Variants in LIN28A observed in about 807,000 individuals in gnomAD.
The protein encoded by LIN28A is lin-28 RNA binding posttranscriptional regulator A.
Under a neutral mutation model 21.1 loss-of-function variants are expected in LIN28A, and 11 were observed. The observed-to-expected ratio is 0.52, with a 90% CI of 0.33 to 0.86. The LOEUF is 0.86. LIN28A is among the 40% of genes least tolerant of loss of function. The pLI, the probability that LIN28A is intolerant of heterozygous loss-of-function variation, is 0.03. For synonymous variants in LIN28A, 111 were observed against 108.7 expected (o/e 1.02, Z -0.13); for missense variants, 219 against 279.8 (o/e 0.78, Z 1.55).
intron 2 of LIN28A, among the ~76,000 whole-genome samples, chr1:26,416,063 G>C (rs992285592): frequency 1.3e-5 from 2 of 152,100 alleles, no homozygotes; most frequent in Admixed American, 6.6e-5. Flanking sequence ...CACGAACTCG[G>C]CTCACTGCAA....
rs374702379 is a variant in LIN28A at position 26,425,348 on chromosome 1, G to T, written c.274G>T (p.Ala92Ser). 5.6e-6 allele frequency: 9 copies of T among 1,613,868 alleles called. No homozygotes were observed. The African/African-American group carries it at 1.2e-4, about 22-fold the overall frequency. The change falls in exon 3 of 4, where the codon GCA becomes TCA. Residue 92 changes from alanine (A) to serine (S), a missense_variant. This residue lies in a region of LIN28A where 124 missense variants were observed against 193.1 expected (regional missense o/e 0.64). Transcript: ENST00000326279. Reference protein sequence around the residue: ...EGFRSLKEGEAVEFTFKKSAK... With the variant: ...EGFRSLKEGESVEFTFKKSAK... The stretch of plus-strand genomic sequence containing the variant: ...GTTCCGGAGCTTGAAGGAGGGTGAG[G>T]CAGTGGAGTTCACCTTTAAGAAGTC...
Position 26,411,454 on chromosome 1 carries a change from G to C in LIN28A, c.100G>C (p.Glu34Gln). ...APEDAARAAD[E>Q]PQLLHGAGIC... ...GGAGGACGCGGCCCGGGCGGCGGAC[G>C]AGCCTCAGCTGCTGCACGGTGCGGG... The change falls in exon 2 of 4, where the codon GAG becomes CAG. Residue 34 changes from glutamate (E) to glutamine (Q), a missense_variant. Physicochemically the swap from Glu to Gln is conservative, Grantham distance 29 (BLOSUM62 2). Transcript: ENST00000326279. This position sits in a 1 kb window ranked among gnomAD's most constrained non-coding sequence, Gnocchi z 5.4. 1.2e-6 allele frequency: 2 copies of C among 1,611,866 alleles called. No homozygotes were observed. Among genetic ancestry groups the C allele is most frequent in the Non-Finnish European group, 1.7e-6 (2 of 1,178,950 alleles).
chr1:26,420,664 A>AT (rs2075023889), intron 2 of LIN28A, among the ~76,000 whole-genome samples: 1 of 151,776 alleles, frequency 6.6e-6, no homozygotes, highest in African/African-American at 2.4e-5. Context: ...GATGAAGAGC[A>AT]TGTTTCATTT....
In LIN28A at chr1:26,426,429, C is replaced by T; in HGVS notation, c.601C>T (p.Pro201Ser). 1 of 1,614,142 alleles carries T rather than the reference C, an allele frequency of 6.2e-7. No homozygotes were observed. The highest frequency in any genetic ancestry group is 8.5e-7 in the Non-Finnish European group (1 of 1,180,012). ...AGAGGAAGAAGAAGAAATCCACAGC[C>T]CTACCCTGCTCCCGGAGGCACAGAA... ...FREEEEEIHS[P>S]TLLPEAQN The change falls in exon 4 of 4, where the codon CCT becomes TCT. Residue 201 changes from proline to serine, a missense_variant. By Grantham distance (74) the Pro-to-Ser change is moderately conservative. Around this residue, in one of 3 missense-constraint regions of LIN28A, gnomAD observed 45 missense variants for 37.7 expected, o/e 1.19. Transcript: ENST00000326279.
chr1:26,423,413 CTTTTT>C (rs1202952934), intron 2 of LIN28A, among the ~76,000 whole-genome samples: 457 of 78,836 alleles, frequency 5.8e-3, no homozygotes, highest in East Asian at 0.03. Context: ...TTTTCTTTTT[CTTTTT>C]TTTTTTTTTT....
rs1172453869 is a variant in LIN28A, at chr1:26,411,454, G to A, written c.100G>A (p.Glu34Lys). The A allele has an allele frequency of 2.5e-6, 4 of 1,611,866 alleles. No individual in the cohort carries two copies. The highest frequency in any genetic ancestry group is 2.7e-5 in the African/African-American group (2 of 74,962). Reference protein sequence around the residue: ...APEDAARAADEPQLLHGAGIC... With the variant: ...APEDAARAADKPQLLHGAGIC... ...GGAGGACGCGGCCCGGGCGGCGGAC[G>A]AGCCTCAGCTGCTGCACGGTGCGGG... Residue 34 changes from glutamate (E) to lysine (K), a missense_variant, in exon 2 of 4, where the codon GAG (glutamate) becomes AAG (lysine). Physicochemically the swap from Glu to Lys is moderately conservative, Grantham distance 56. Around this residue, in one of 3 missense-constraint regions of LIN28A, gnomAD observed 50 missense variants for 49.0 expected, o/e 1.02. Transcript: ENST00000326279. This position sits in a 1 kb window ranked among gnomAD's most constrained non-coding sequence, Gnocchi z 5.4.
At chr1:26,414,849 C>G in intron 2 of LIN28A, among the ~76,000 whole-genome samples, 1 of 152,116 alleles carries the variant, frequency 6.6e-6, no homozygotes, top group East Asian at 1.9e-4. Flanking sequence ...TGTCAAATGT[C>G]CCCTTGGAGT....
In LIN28A at chr1:26,428,359, T is replaced by G. The variant is rs960132367; in HGVS notation, c.*1901T>G. 6.7e-6 allele frequency: 1 copy of G among 150,118 alleles called. No individual in the cohort carries two copies. Among genetic ancestry groups the G allele is most frequent in the Admixed American group, 6.8e-5 (1 of 14,620 alleles). The allele number at this position is 150,118 out of a possible 1,614,324, so 9.3% of individuals were successfully genotyped here. On this transcript the variant is annotated 3_prime_UTR_variant, in exon 4 of 4. Coordinates refer to ENST00000326279, the MANE Select transcript of LIN28A (RefSeq NM_024674.6). ...AGATCTTCTGTCCTAAAAACTTGTCTTCTACCCTGCCCTCTTTTCTGTTCA... is the reference window on the plus strand; with the variant it reads ...AGATCTTCTGTCCTAAAAACTTGTCGTCTACCCTGCCCTCTTTTCTGTTCA...
chr1:26,420,019 G>A (rs1297655471), intron 2 of LIN28A, among the ~76,000 whole-genome samples: 6 of 152,088 alleles, frequency 3.9e-5, no homozygotes, highest in Admixed American at 1.3e-4. Flanking sequence ...GTGCAGTGGC[G>A]CGATCTCAGC....
chr1:26,412,717 G>T (rs1036784775), intron 2 of LIN28A, among the ~76,000 whole-genome samples: 1 of 152,080 alleles, frequency 6.6e-6, no homozygotes, highest in African/African-American at 2.4e-5. Context: ...TTAAGGGTTG[G>T]AGCCTGAAGG....
chr1:26,425,685 G>A (rs1227392177), intron 3 of LIN28A, among the ~76,000 whole-genome samples, 198 bp downstream of exon 3: 1 of 152,146 alleles, frequency 6.6e-6, no homozygotes, highest in Admixed American at 6.5e-5. Flanking sequence ...GTGCTACTTG[G>A]GACAAGTAAG....
At chr1:26,426,049 C>A (rs1480728548) in intron 3 of LIN28A, among the ~76,000 whole-genome samples, 193 bp from the exon 4 acceptor site, 2 of 152,122 alleles carry the variant, frequency 1.3e-5, no homozygotes, top group African/African-American at 4.8e-5. Context: ...GAAGAGATCA[C>A]CTAGACAATT....
chr1:26,412,183 C>T (rs1015449254), intron 2 of LIN28A, among the ~76,000 whole-genome samples: 10 of 152,222 alleles, frequency 6.6e-5, no homozygotes, highest in South Asian at 4.1e-4. Flanking sequence ...GTCCAGTTCC[C>T]GTGAGGAAGG....
At chr1:26,420,498 T>C (rs1445872789) in intron 2 of LIN28A, among the ~76,000 whole-genome samples, 1 of 150,540 alleles carries the variant, frequency 6.6e-6, no homozygotes, top group Non-Finnish European at 1.5e-5. Context: ...CCTGTAGTCC[T>C]AGCTTAAACC....
chr1:26,418,542 TAA>T (rs10680192), intron 2 of LIN28A, among the ~76,000 whole-genome samples: 1 of 144,430 alleles, frequency 6.9e-6, no homozygotes, highest in Non-Finnish European at 1.5e-5. Flanking sequence ...CCAGACTTTT[TAA>T]AAAAAAAAAA....
intron 2 of LIN28A, 82 bp from the exon 3 acceptor site, chr1:26,425,221 A>G (rs2124304881): frequency 7.3e-7 from 1 of 1,371,558 alleles, no homozygotes; most frequent in East Asian, 2.3e-5. Flanking sequence ...TTTGATTCCT[A>G]CCCTACAGGA....
rs2074954544 is a variant in LIN28A at position 26,410,998 on chromosome 1, A to C, written c.31+76A>C. 9.6e-6 allele frequency: 15 copies of C among 1,555,282 alleles called. No homozygotes were observed. In the Admixed American group the frequency reaches 2.4e-4, roughly 25 times the overall value. ...GAGCCACGTAGAAGGGAGGTGGGGAACTGAGTCCTAGGCTGCCCAAAGGAC... is the reference window on the plus strand; with the variant it reads ...GAGCCACGTAGAAGGGAGGTGGGGACCTGAGTCCTAGGCTGCCCAAAGGAC... On this transcript the variant is annotated intron_variant, in intron 1 of 3. Transcript: ENST00000326279.
intron 2 of LIN28A, among the ~76,000 whole-genome samples, chr1:26,422,330 C>T (rs933452440): frequency 1.3e-5 from 2 of 151,908 alleles, no homozygotes; most frequent in Non-Finnish European, 2.9e-5. Context: ...AATCTTACAT[C>T]GTTTCAGTAC....
intron 2 of LIN28A, among the ~76,000 whole-genome samples, chr1:26,416,294 C>T (rs2074992747): frequency 6.6e-6 from 1 of 152,036 alleles, no homozygotes; most frequent in Non-Finnish European, 1.5e-5. Flanking sequence ...TGCCCGGCGA[C>T]AGTGTAAAGT....
Sources: allele counts gnomAD v4.1 joint callset (sites outside exome capture counted in the v4.1 genomes callset), GRCh38; gene constraint gnomAD v4.1.1; regional missense constraint gnomAD v4.1.1; non-coding constraint Gnocchi (gnomAD v3.1); transcripts MANE v1.5; gene names NCBI Gene and HGNC (gene_info 2026-07-23, HGNC 2026-07-21).